SMTNL2: variants seen among roughly 807,000 people sequenced by gnomAD.
The protein encoded by SMTNL2 is smoothelin like 2, also known as smoothelin-like protein 2.
In SMTNL2, 43 loss-of-function variants were observed where a neutral mutation model predicts 44.1. The ratio of observed to expected loss-of-function variants is 0.98; its 90% confidence interval spans 0.76 to 1.26. The LOEUF (loss-of-function observed/expected upper bound fraction) is 1.26, where lower values mean the gene tolerates loss of function less well. Ranked by LOEUF, SMTNL2 falls within the 50% of genes most tolerant of loss-of-function variation. The probability of loss-of-function intolerance (pLI) is 0.00; values close to 1 mark genes in which losing one functional copy is unlikely to be tolerated. For synonymous variants in SMTNL2, 317 were observed against 287.6 expected (o/e 1.10, Z -1.03); for missense variants, 646 against 670.2 (o/e 0.96, Z 0.40).
At position 4,592,945 on chromosome 17, in the gene SMTNL2, C is replaced by A. The variant is rs1312173860; in HGVS notation, c.504C>A (p.Pro168=). ...HQPGAGPGDG[P]PEIAQNFSAP... The stretch of plus-strand genomic sequence containing the variant: ...ATGTTCCAGGTCCAGGCGATGGACC[C>A]CCTGAGATTGCCCAAAACTTCTCAG... Residue 168 remains proline, a synonymous_variant, in exon 3 of 8, where the codon CCC becomes CCA. Transcript: ENST00000389313. The surrounding 1 kb of genome is among the most constrained non-coding windows in gnomAD (Gnocchi z 4.5). 1 of 1,613,270 alleles carries A rather than the reference C, an allele frequency of 6.2e-7. No homozygotes were observed. The highest frequency in any genetic ancestry group is 1.7e-5 in the Admixed American group (1 of 59,986).
At chr17:4,587,115 G>A (rs1048326257) in intron 1 of SMTNL2, among the ~76,000 whole-genome samples, 10 of 152,228 alleles carry the variant, frequency 6.6e-5, no homozygotes, top group Non-Finnish European at 1.2e-4. Flanking sequence ...CAGAGAAGGA[G>A]CCCTCCTGGA....
In SMTNL2 at chr17:4,584,928, T is replaced by C. The variant is rs1257659889; in HGVS notation, c.323T>C (p.Val108Ala). ...CCCAGCCCCCCGCCCGCGCCCGGGG[T>C]TCCCGACCGCGCGCCCCGCCTGGGC... Reference protein sequence around the residue: ...GTPSPPPAPGVPDRAPRLGSA... With the variant: ...GTPSPPPAPGAPDRAPRLGSA... The change falls in exon 1 of 8, where the codon GTT becomes GCT. Residue 108 changes from valine to alanine, a missense_variant. Physicochemically the swap from Val to Ala is moderately conservative, Grantham distance 64. Transcript: ENST00000389313. 1.5e-6 allele frequency: 2 copies of C among 1,321,688 alleles called. No homozygotes were observed. The highest frequency in any genetic ancestry group is 3.9e-5 in the Admixed American group (1 of 25,464). The allele number at this position is 1,321,688 out of a possible 1,614,324, so 81.9% of individuals were successfully genotyped here. A position where few individuals can be genotyped will look rare whatever the true frequency, so the allele number is the denominator to read the frequency against.
intron 1 of SMTNL2, among the ~76,000 whole-genome samples, chr17:4,589,026 G>A (rs573039678): frequency 6.6e-6 from 1 of 152,130 alleles, no homozygotes; most frequent in Non-Finnish European, 1.5e-5. Context: ...GCTTCTAGTC[G>A]TGGGGCAGGG....
At chr17:4,586,136 C>G (rs1393094794) in intron 1 of SMTNL2, among the ~76,000 whole-genome samples, 1 of 152,170 alleles carries the variant, frequency 6.6e-6, no homozygotes, top group Non-Finnish European at 1.5e-5. Flanking sequence ...GTGAGTGCAG[C>G]CTCGAGGTAT....
In SMTNL2 at chr17:4,584,940, C is replaced by T. The variant is rs959715564; in HGVS notation, c.335C>T (p.Ala112Val). 5.2e-5 allele frequency: 69 copies of T among 1,327,532 alleles called. No individual in the cohort carries two copies. Among genetic ancestry groups the T allele is most frequent in the Non-Finnish European group, 5.5e-5 (57 of 1,043,526 alleles). The allele number at this position is 1,327,532 out of a possible 1,614,324, so 82.2% of individuals were successfully genotyped here. A position where few individuals can be genotyped will look rare whatever the true frequency, so the allele number is the denominator to read the frequency against. ...CCCGCGCCCGGGGTTCCCGACCGCG[C>T]GCCCCGCCTGGGCAGCGCACGCTTC... ...PPPAPGVPDR[A>V]PRLGSARFAS... The change falls in exon 1 of 8, where the codon GCG (alanine) becomes GTG (valine). Residue 112 changes from alanine to valine, a missense_variant. Ala to Val is a moderately conservative substitution (Grantham distance 64). Transcript: ENST00000389313.
At chr17:4,590,258 C>T (rs764667003) in intron 1 of SMTNL2, among the ~76,000 whole-genome samples, 5 of 152,080 alleles carry the variant, frequency 3.3e-5, no homozygotes, top group African/African-American at 4.8e-5. Flanking sequence ...TGAGCCACCG[C>T]GCCTGGCCCC....
rs1384379461 is a variant in SMTNL2, at chr17:4,595,768, G to A, written c.989+441G>A. ...TTGGTCTTGCCCAAGGACCGAAGGT[G>A]ATGCCACGGGGCCGAGTGGCCTCCA... On this transcript the variant is annotated intron_variant, in intron 5 of 7. Coordinates refer to ENST00000389313, the MANE Select transcript of SMTNL2 (RefSeq NM_001114974.2). This position sits in a 1 kb window ranked among gnomAD's most constrained non-coding sequence, Gnocchi z 5.1. Among the ~76,000 whole-genome samples the A allele has an allele frequency of 6.6e-6, 1 of 152,244 alleles. No homozygotes were observed. Among genetic ancestry groups the A allele is most frequent in the Non-Finnish European group, 1.5e-5 (1 of 68,030 alleles).
At chr17:4,590,301 C>T (rs2150519707) in intron 1 of SMTNL2, among the ~76,000 whole-genome samples, 1 of 152,096 alleles carries the variant, frequency 6.6e-6, no homozygotes, top group East Asian at 1.9e-4. Context: ...TCCTTCCTGG[C>T]CTTGGCTTTC....
At chr17:4,605,197 TG>T (rs1297887673) in intron 7 of SMTNL2, among the ~76,000 whole-genome samples, 1 of 138,576 alleles carries the variant, frequency 7.2e-6, no homozygotes. Context: ...GGTCTGGCTC[TG>T]TACCCCAGGC....
At chr17:4,605,884 A>T (rs919450413) in intron 7 of SMTNL2, among the ~76,000 whole-genome samples, 1 of 152,118 alleles carries the variant, frequency 6.6e-6, no homozygotes, top group African/African-American at 2.4e-5. Flanking sequence ...GGCATTCCAG[A>T]GGCTGTCTGT....
rs1442923752 is a variant in SMTNL2 at position 4,607,673 on chromosome 17, G to A, written c.*186G>A. The A allele has an allele frequency of 1.1e-6, 1 of 948,606 alleles. No homozygotes were observed. The highest frequency in any genetic ancestry group is 3.0e-5 in the Admixed American group (1 of 33,074). The allele number at this position is 948,606 out of a possible 1,614,324, so 58.8% of individuals were successfully genotyped here. A position where few individuals can be genotyped will look rare whatever the true frequency, so the allele number is the denominator to read the frequency against. ...TACTGATTAAAAGTACTGCTGAGCTGTGGTCCGACAGCACTGATCACAGCC... is the reference window on the plus strand; with the variant it reads ...TACTGATTAAAAGTACTGCTGAGCTATGGTCCGACAGCACTGATCACAGCC... On this transcript the variant is annotated 3_prime_UTR_variant, in exon 8 of 8. Transcript: ENST00000389313. This position sits in a 1 kb window ranked among gnomAD's most constrained non-coding sequence, Gnocchi z 4.7.
At chr17:4,588,156 C>T (rs1377699736) in intron 1 of SMTNL2, among the ~76,000 whole-genome samples, 2 of 152,170 alleles carry the variant, frequency 1.3e-5, no homozygotes, top group Non-Finnish European at 2.9e-5. Flanking sequence ...GGAGGAGGGC[C>T]GGGTCAGCAG....
rs147606369 is a variant in SMTNL2, at chr17:4,588,411, C to T, written c.399+3407C>T. Among the ~76,000 whole-genome samples the T allele has an allele frequency of 6.3e-3, 954 of 152,332 alleles. 11 individuals carry two copies. The highest frequency in any genetic ancestry group is 0.022 in the African/African-American group (897 of 41,580). ...CACCTCCCCTTTCTCAAAACAAAGC[C>T]GAGCTGGGGAATCTTGGGGGGTACC... On this transcript the variant is annotated intron_variant, in intron 1 of 7. Transcript: ENST00000389313.
intron 5 of SMTNL2, among the ~76,000 whole-genome samples, chr17:4,596,503 G>T (rs1909821576): frequency 6.6e-6 from 1 of 152,244 alleles, no homozygotes; most frequent in Admixed American, 6.5e-5. Context: ...AGCTGGGAAA[G>T]GTGTTCCAAA....
At chr17:4,593,676 A>AG in intron 3 of SMTNL2, 146 bp from the exon 4 acceptor site, 5 of 716,248 alleles carry the variant, frequency 7.0e-6, no homozygotes, top group Non-Finnish European at 1.2e-5. Flanking sequence ...CTGTCTGCTG[A>AG]GGCAGGGCCA....
At chr17:4,605,164 T>TTTG (rs1231067140) in intron 7 of SMTNL2, among the ~76,000 whole-genome samples, 6 of 137,190 alleles carry the variant, frequency 4.4e-5, no homozygotes, top group African/African-American at 1.7e-4. Flanking sequence ...TTTTTTTTTT[T>TTTG]TTTTTTTTTT....
Position 4,595,320 on chromosome 17 carries a change from G to A in SMTNL2, c.982G>A (p.Ala328Thr), listed in dbSNP as rs1237242700. The change falls in exon 5 of 8, where the codon GCC becomes ACC. Residue 328 changes from alanine to threonine, a missense_variant. Ala to Thr is a moderately conservative substitution (Grantham distance 58, BLOSUM62 0). Coordinates refer to ENST00000389313, the MANE Select transcript of SMTNL2 (RefSeq NM_001114974.2). The surrounding 1 kb of genome is among the most constrained non-coding windows in gnomAD (Gnocchi z 5.1). ...LFEKWEQETA[A>T]GKGKGEARAR... ...TGAGAAGTGGGAGCAGGAAACGGCG[G>A]CCGGCAAGTACGGATGCCCACTCAC... The A allele has an allele frequency of 1.2e-6, 2 of 1,612,208 alleles. No individual in the cohort carries two copies. Among genetic ancestry groups the A allele is most frequent in the Non-Finnish European group, 1.7e-6 (2 of 1,179,244 alleles).
At chr17:4,584,468 A>T (rs1481136169), upstream of SMTNL2, 24 of 992,902 alleles carry the variant, frequency 2.4e-5, no homozygotes, top group Non-Finnish European at 3.1e-5. Context: ...TCCGCCCCCG[A>T]GGCCCCGCCC....
At chr17:4,593,498 A>G (rs1444671280) in intron 3 of SMTNL2, among the ~76,000 whole-genome samples, 2 of 152,196 alleles carry the variant, frequency 1.3e-5, no homozygotes, top group Admixed American at 6.5e-5. Context: ...CCTCCGTGGT[A>G]TGTCCTGGGG....
Sources: gnomAD v4.1 joint callset for allele counts (sites outside exome capture counted in the v4.1 genomes callset) on GRCh38, gnomAD v4.1.1 for gene constraint, Gnocchi (gnomAD v3.1) non-coding constraint, MANE v1.5 for transcripts, NCBI Gene and HGNC (gene_info 2026-07-23, HGNC 2026-07-21) for gene names.